ADARB2: variants seen among roughly 807,000 people sequenced by gnomAD.
The protein encoded by ADARB2 is inactive double-stranded RNA-specific editase B2.
ADARB2 carries 25 observed loss-of-function variants against 62.2 expected under a neutral mutation model. That is an observed-to-expected ratio of 0.40 (90% CI 0.29 to 0.56). The LOEUF (loss-of-function observed/expected upper bound fraction) is 0.56. Among genes scored for constraint, ADARB2 ranks in the 20% least tolerant of loss-of-function variants. ADARB2 has a pLI of 0.43. For synonymous variants in ADARB2, 572 were observed against 500.8 expected (o/e 1.14, Z -1.90); for missense variants, 1,071 against 1,077.4 (o/e 0.99, Z 0.08).
In ADARB2 at chr10:1,305,228, T is replaced by G. The variant is rs375531688; in HGVS notation, c.1078-34159A>C. Reference sequence around the variant, plus strand: ...AAAATGATAAAGGGGATATCACCACTGATCCCACAGAAATACAAACTACCA... The same window carrying G: ...AAAATGATAAAGGGGATATCACCACGGATCCCACAGAAATACAAACTACCA... On this transcript the variant is annotated intron_variant, in intron 3 of 9. Coordinates refer to ENST00000381312, the MANE Select transcript of ADARB2 (RefSeq NM_018702.4). Among the ~76,000 whole-genome samples, 674 of 139,376 alleles carry G rather than the reference T, an allele frequency of 4.8e-3. 28 individuals carry two copies. In the East Asian group the frequency reaches 0.11, roughly 23 times the overall value. 91.4% of individuals were successfully genotyped at this position (139,376 alleles called of 152,430 possible).
At chr10:1,547,276 G>A (rs1178439907) in intron 1 of ADARB2, among the ~76,000 whole-genome samples, 1 of 143,746 alleles carries the variant, frequency 7.0e-6, no homozygotes, top group Non-Finnish European at 1.5e-5. Flanking sequence ...GCACTGTGGG[G>A]AGGGGGAGAG....
intron 1 of ADARB2, among the ~76,000 whole-genome samples, chr10:1,505,212 T>C (rs1232324124): frequency 6.6e-6 from 1 of 151,434 alleles, no homozygotes; most frequent in Non-Finnish European, 1.5e-5. Context: ...GAGACACACA[T>C]GCACACACAG....
At chr10:1,281,253 G>A (rs903437512) in intron 3 of ADARB2, among the ~76,000 whole-genome samples, 3 of 152,218 alleles carry the variant, frequency 2.0e-5, no homozygotes, top group Non-Finnish European at 2.9e-5. Flanking sequence ...AGGCCTGGAG[G>A]CAGGTCTTGA....
intron 1 of ADARB2, among the ~76,000 whole-genome samples, chr10:1,408,230 T>C (rs561703290): frequency 6.6e-6 from 1 of 152,228 alleles, no homozygotes; most frequent in Non-Finnish European, 1.5e-5. Context: ...ATCTAAAATA[T>C]TCTTTAAAAC....
At chr10:1,325,025 C>G (rs1427027129) in intron 3 of ADARB2, among the ~76,000 whole-genome samples, 1 of 152,170 alleles carries the variant, frequency 6.6e-6, no homozygotes, top group Non-Finnish European at 1.5e-5. Context: ...TGTGAATCTA[C>G]AATTGTCAGA....
intron 1 of ADARB2, among the ~76,000 whole-genome samples, chr10:1,615,490 G>A (rs1277397742): frequency 6.6e-6 from 1 of 152,208 alleles, no homozygotes; most frequent in Non-Finnish European, 1.5e-5. Flanking sequence ...CAGCTGTCCG[G>A]GTGGGGCATT....
intron 4 of ADARB2, among the ~76,000 whole-genome samples, chr10:1,254,742 T>C (rs533442911): frequency 2.0e-5 from 3 of 152,362 alleles, no homozygotes; most frequent in African/African-American, 7.2e-5. Flanking sequence ...TTCTTTGGTT[T>C]GGCAATTTGA....
chr10:1,471,460 G>A (rs1041711240), intron 1 of ADARB2, among the ~76,000 whole-genome samples: 1 of 151,896 alleles, frequency 6.6e-6, no homozygotes, highest in Non-Finnish European at 1.5e-5. Flanking sequence ...GCGAGGTCTC[G>A]GCTTACCGCA....
At chr10:1,245,333 TTC>T (rs957207934) in intron 4 of ADARB2, among the ~76,000 whole-genome samples, 3 of 152,194 alleles carry the variant, frequency 2.0e-5, no homozygotes, top group African/African-American at 7.2e-5. Context: ...TTTTTGTTTT[TTC>T]TTTTTCTTTT....
chr10:1,652,258 C>G (rs1342995433), intron 1 of ADARB2, among the ~76,000 whole-genome samples: 1 of 152,234 alleles, frequency 6.6e-6, no homozygotes, highest in Non-Finnish European at 1.5e-5. Flanking sequence ...CAGCTTTTAA[C>G]TGGGGCATCT....
intron 1 of ADARB2, among the ~76,000 whole-genome samples, chr10:1,564,585 C>G (rs1000079761): frequency 1.3e-5 from 2 of 152,034 alleles, no homozygotes; most frequent in African/African-American, 4.8e-5. Context: ...ACAACCCCAT[C>G]AAAAAGTGGG....
chr10:1,586,463 G>T (rs906749875), intron 1 of ADARB2, among the ~76,000 whole-genome samples: 1 of 152,178 alleles, frequency 6.6e-6, no homozygotes, highest in Non-Finnish European at 1.5e-5. Flanking sequence ...TTCACTTCCG[G>T]AATAGAGTGA....
At chr10:1,595,776 G>T (rs932892848) in intron 1 of ADARB2, among the ~76,000 whole-genome samples, 1 of 152,220 alleles carries the variant, frequency 6.6e-6, no homozygotes, top group Non-Finnish European at 1.5e-5. Context: ...ATTTGTGCCG[G>T]TCATAATGGA....
At chr10:1,439,833 A>T (rs1588258704) in intron 1 of ADARB2, among the ~76,000 whole-genome samples, 1 of 144,496 alleles carries the variant, frequency 6.9e-6, no homozygotes, top group Non-Finnish European at 1.5e-5. Context: ...AGATGGAGGC[A>T]GGTCCTTCAC....
chr10:1,409,397 G>A (rs956066561), intron 1 of ADARB2, among the ~76,000 whole-genome samples: 3 of 152,246 alleles, frequency 2.0e-5, no homozygotes, highest in Admixed American at 2.0e-4. Context: ...TCTGCGTGGG[G>A]CGTGTGGCTT....
intron 6 of ADARB2, among the ~76,000 whole-genome samples, chr10:1,228,118 T>G (rs964640881): frequency 1.3e-5 from 2 of 152,256 alleles, no homozygotes; most frequent in African/African-American, 4.8e-5. Context: ...TCTCTTCAAC[T>G]ACCTTTCTAG....
intron 1 of ADARB2, among the ~76,000 whole-genome samples, chr10:1,392,985 A>T (rs955614928): frequency 3.9e-5 from 6 of 152,194 alleles, no homozygotes; most frequent in Non-Finnish European, 7.3e-5. Context: ...TTTCCTTCTC[A>T]AAGTCCCCAC....
intron 2 of ADARB2, among the ~76,000 whole-genome samples, chr10:1,375,212 G>A (rs1832411714): frequency 1.3e-5 from 2 of 152,220 alleles, no homozygotes; most frequent in Admixed American, 1.3e-4. Flanking sequence ...CGCAGAACTG[G>A]GTCGGATCCC....
At chr10:1,626,088 A>G (rs56013277) in intron 1 of ADARB2, among the ~76,000 whole-genome samples, 118 of 93,286 alleles carry the variant, frequency 1.3e-3, no homozygotes, top group East Asian at 2.2e-3. Context: ...TCTCTTGCAT[A>G]GACACAGGCC....
Sources: allele counts gnomAD v4.1 joint callset (sites outside exome capture counted in the v4.1 genomes callset), GRCh38; gene constraint gnomAD v4.1.1; transcripts MANE v1.5; gene names NCBI Gene and HGNC (gene_info 2026-07-23, HGNC 2026-07-21).